The following MICALL1 variants were observed in gnomAD, a reference collection of about 807,000 sequenced individuals.
The protein encoded by MICALL1 is MICAL-like protein 1.
In MICALL1, 61 loss-of-function variants were observed where a neutral mutation model predicts 83.7. The observed-to-expected ratio is 0.73, with a 90% CI of 0.59 to 0.90. The LOEUF (loss-of-function observed/expected upper bound fraction) is 0.90. Ranked by LOEUF, MICALL1 falls within the 40% of genes least tolerant of loss-of-function variation. The pLI is 0.00. For missense variants in MICALL1, 1,066 were observed against 1,152.0 expected (o/e 0.93, Z 1.08); for synonymous variants, 481 against 473.6 (o/e 1.02, Z -0.20).
Position 37,906,652 on chromosome 22 carries a change from G to A in MICALL1, c.146+84G>A. 2.7e-6 allele frequency: 3 copies of A among 1,110,378 alleles called. No individual in the cohort carries two copies. The highest frequency in any genetic ancestry group is 3.3e-6 in the Non-Finnish European group (3 of 905,860). The allele number at this position is 1,110,378 out of a possible 1,614,324, so 68.8% of individuals were successfully genotyped here. On this transcript the variant is annotated intron_variant, in intron 1 of 15. Transcript: ENST00000215957. The surrounding 1 kb of genome is among the most constrained non-coding windows in gnomAD (Gnocchi z 4.4). ...GCCCCCCCTCAGTAACACGAAGCCCGGGCGGTGACAGGCGCCGCCCCCGGA... is the reference window on the plus strand; with the variant it reads ...GCCCCCCCTCAGTAACACGAAGCCCAGGCGGTGACAGGCGCCGCCCCCGGA...
rs1930409791 is a variant in MICALL1 at position 37,941,062 on chromosome 22, C to T, written c.*232C>T. On this transcript the variant is annotated 3_prime_UTR_variant, in exon 16 of 16. Coordinates refer to ENST00000215957, the MANE Select transcript of MICALL1 (RefSeq NM_033386.4). ...CAGCGGTGATTCAGCCCTGCCCAAC[C>T]TGATTCTGATGACTGCGGATGCTGT... 2.1e-6 allele frequency: 1 copy of T among 473,660 alleles called. No homozygotes were observed. The highest frequency in any genetic ancestry group is 3.8e-6 in the Non-Finnish European group (1 of 263,090). The allele number at this position is 473,660 out of a possible 1,614,324, so 29.3% of individuals were successfully genotyped here. A position where few individuals can be genotyped will look rare whatever the true frequency, so the allele number is the denominator to read the frequency against.
intron 5 of MICALL1, among the ~76,000 whole-genome samples, chr22:37,919,635 C>CA (rs34083064): frequency 0.37 from 21,956 of 59,150 alleles, 4,432 homozygotes; most frequent in Non-Finnish European, 0.43. Context: ...GACTCTGTCT[C>CA]AAAAAAAAAA....
At chr22:37,927,868 A>G in intron 9 of MICALL1, 42 bp downstream of exon 9, 2 of 1,550,762 alleles carry the variant, frequency 1.3e-6, no homozygotes, top group Non-Finnish European at 1.7e-6. Flanking sequence ...CATCCTCTCT[A>G]GTGGATGCGG....
chr22:37,919,998 C>A (rs887474705), intron 5 of MICALL1, among the ~76,000 whole-genome samples: 1 of 151,832 alleles, frequency 6.6e-6, no homozygotes, highest in African/African-American at 2.4e-5. Context: ...AAAAAAAAAT[C>A]TTTTTTTCTT....
In MICALL1 at chr22:37,932,893, G is replaced by GT. The variant is rs754420778; in HGVS notation, c.2234+6dup. 6.8e-6 allele frequency: 11 copies of GT among 1,613,968 alleles called. No homozygotes were observed. Among genetic ancestry groups the GT allele is most frequent in the Non-Finnish European group, 9.3e-6 (11 of 1,179,972 alleles). On this transcript the variant is annotated splice_donor_region_variant and intron_variant, in intron 12 of 15. Coordinates refer to ENST00000215957, the MANE Select transcript of MICALL1 (RefSeq NM_033386.4). The surrounding 1 kb of genome is among the most constrained non-coding windows in gnomAD (Gnocchi z 4.4). ...AGAGTCCGAGCTCATCTATGTGTGAGTCCCCCCGCCTGGGGCATCCCTCCC... is the reference window on the plus strand; with the variant it reads ...AGAGTCCGAGCTCATCTATGTGTGAGTTCCCCCCGCCTGGGGCATCCCTCCC...
chr22:37,932,596 A>G lies in MICALL1; in HGVS notation c.2060A>G (p.Glu687Gly). The change falls in exon 11 of 16, where the codon GAG becomes GGG. Residue 687 changes from glutamate to glycine, a missense_variant. Coordinates refer to ENST00000215957, the MANE Select transcript of MICALL1 (RefSeq NM_033386.4). This position sits in a 1 kb window ranked among gnomAD's most constrained non-coding sequence, Gnocchi z 4.4. ...ATCCCTGAGGAGGACATCCATGGAG[A>G]GATGGATACCATTGAGCGCCGGCTG... ...QYIPEEDIHG[E>G]MDTIERRLDA... 1 of 1,614,112 alleles carries G rather than the reference A, an allele frequency of 6.2e-7. No homozygotes were observed.
intron 3 of MICALL1, among the ~76,000 whole-genome samples, chr22:37,913,897 CAG>C (rs1015860799): frequency 7.5e-5 from 10 of 132,704 alleles, no homozygotes; most frequent in African/African-American, 2.7e-4. Context: ...TTTTTTGATA[CAG>C]AGTTTTGCTC....
rs138697070 is a variant in MICALL1, at chr22:37,940,710, G to A, written c.2472G>A (p.Glu824=). The part of the protein sequence containing the change: ...KMLEAMIKKK[E]FQREAEPEGK... ...AGTGCTCCCCTCTCTGTGCTGCAGAGTTCCAGAGGGAGGCTGAACCTGAGG... is the reference window on the plus strand; with the variant it reads ...AGTGCTCCCCTCTCTGTGCTGCAGAATTCCAGAGGGAGGCTGAACCTGAGG... Residue 824 remains glutamate (E), a splice_region_variant and synonymous_variant, in exon 16 of 16, where the codon GAG becomes GAA. Coordinates refer to ENST00000215957, the MANE Select transcript of MICALL1 (RefSeq NM_033386.4). The A allele has an allele frequency of 1.2e-6, 2 of 1,613,842 alleles. No individual in the cohort carries two copies. Among genetic ancestry groups the A allele is most frequent in the African/African-American group, 1.3e-5 (1 of 75,042 alleles).
At position 37,927,637 on chromosome 22, in the gene MICALL1, G is replaced by A; in HGVS notation, c.1692G>A (p.Gly564=). 1 of 1,614,156 alleles carries A rather than the reference G, an allele frequency of 6.2e-7. No homozygotes were observed. The highest frequency in any genetic ancestry group is 8.5e-7 in the Non-Finnish European group (1 of 1,179,998). ...CCAACTCCTCCCTGGCCTCCTCTGG[G>A]GAACTAGTGGAGCCTAGAGTGGAAC... ...LSTNSSLASS[G]ELVEPRVEQM... is the part of the protein sequence containing the mutation. Residue 564 remains glycine, a synonymous_variant, in exon 9 of 16, where the codon GGG becomes GGA. Transcript: ENST00000215957.
At chr22:37,917,645 G>A (rs564968922) in intron 3 of MICALL1, 62 bp from the exon 4 acceptor site, 168 of 1,494,734 alleles carry the variant, frequency 1.1e-4, no homozygotes, top group Non-Finnish European at 1.5e-4. Flanking sequence ...CAGCCAGGTT[G>A]GGACCTCCTG....
chr22:37,934,167 CGTGT>C (rs1283138008), intron 13 of MICALL1, among the ~76,000 whole-genome samples: 1 of 152,326 alleles, frequency 6.6e-6, no homozygotes, highest in East Asian at 1.9e-4. Flanking sequence ...TTCCAGCCCC[CGTGT>C]GGTGGCTGTG....
At chr22:37,935,753 A>G (rs1372589315) in intron 13 of MICALL1, among the ~76,000 whole-genome samples, 2 of 132,438 alleles carry the variant, frequency 1.5e-5, no homozygotes, top group Non-Finnish European at 3.2e-5. Flanking sequence ...TTTTTGAGAC[A>G]GAGTCTCACT....
rs565600018 is a variant in MICALL1 at position 37,925,780 on chromosome 22, A to G, written c.1202A>G (p.Gln401Arg). 1.1e-3 allele frequency: 1,739 copies of G among 1,613,458 alleles called. 28 individuals carry two copies. The South Asian group carries it at 0.017, about 16-fold the overall frequency. ...GGGCCACCAAGCCAGGACAGCAGGCAGGTGGAGAATGGAGGCACCGAGGAG... is the reference window on the plus strand; with the variant it reads ...GGGCCACCAAGCCAGGACAGCAGGCGGGTGGAGAATGGAGGCACCGAGGAG... The part of the protein sequence containing the change: ...SPGPPSQDSR[Q>R]VENGGTEEVA... The change falls in exon 8 of 16, where the codon CAG (glutamine) becomes CGG (arginine). Residue 401 changes from glutamine (Q) to arginine (R), a missense_variant. By Grantham distance (43) the Gln-to-Arg change is conservative. Coordinates refer to ENST00000215957, the MANE Select transcript of MICALL1 (RefSeq NM_033386.4).
Position 37,912,364 on chromosome 22 carries a change from C to T in MICALL1, c.209C>T (p.Ala70Val). ...TCACCACCCCAGGCCTTTGAAGTGG[C>T]TGAGAAGGAGCTGGGGATCCCCGCT... ...FENNRLAFEV[A>V]EKELGIPALL... The change falls in exon 3 of 16, where the codon GCT becomes GTT. Residue 70 changes from alanine to valine, a missense_variant. Coordinates refer to ENST00000215957, the MANE Select transcript of MICALL1 (RefSeq NM_033386.4). 1 of 1,612,188 alleles carries T rather than the reference C, an allele frequency of 6.2e-7. No homozygotes were observed. Among genetic ancestry groups the T allele is most frequent in the Non-Finnish European group, 8.5e-7 (1 of 1,178,702 alleles).
chr22:37,906,330 G>A lies in MICALL1; in HGVS notation c.-93G>A. ...GTCGGCGCCCGAGCTCGGAGCCGCA[G>A]CCGCAGCCGGAAACCGGGCCCGCGC... is the stretch of plus-strand genomic sequence containing the variant. On this transcript the variant is annotated 5_prime_UTR_variant, in exon 1 of 16. Transcript: ENST00000215957. The surrounding 1 kb of genome is among the most constrained non-coding windows in gnomAD (Gnocchi z 4.4). 3.2e-6 allele frequency: 3 copies of A among 930,230 alleles called. No homozygotes were observed. The highest frequency in any genetic ancestry group is 3.9e-6 in the Non-Finnish European group (3 of 778,432). The allele number at this position is 930,230 out of a possible 1,614,324, so 57.6% of individuals were successfully genotyped here. A position where few individuals can be genotyped will look rare whatever the true frequency, so the allele number is the denominator to read the frequency against.
chr22:37,929,711 C>G (rs1929685401), intron 9 of MICALL1, among the ~76,000 whole-genome samples: 1 of 152,212 alleles, frequency 6.6e-6, no homozygotes, highest in African/African-American at 2.4e-5. Flanking sequence ...TCAGTACTTT[C>G]CTCTGGGCAC....
intron 6 of MICALL1, among the ~76,000 whole-genome samples, 168 bp downstream of exon 6, chr22:37,922,594 TATATA>T (rs1172132584): frequency 2.3e-5 from 2 of 86,720 alleles, no homozygotes; most frequent in African/African-American, 5.0e-5. Flanking sequence ...TATATATATA[TATATA>T]TATTTTTTTT....
Position 37,942,398 on chromosome 22 carries a change from T to G in MICALL1, c.*1568T>G, listed in dbSNP as rs1930477252. On this transcript the variant is annotated 3_prime_UTR_variant, in exon 16 of 16. Coordinates refer to ENST00000215957, the MANE Select transcript of MICALL1 (RefSeq NM_033386.4). Reference sequence around the variant, plus strand: ...GGCAAGTCAAGTCACCTGTGGCCTGTGGGGCTGAATGTGGGCCCGGTGTTG... The same window carrying G: ...GGCAAGTCAAGTCACCTGTGGCCTGGGGGGCTGAATGTGGGCCCGGTGTTG... 1 of 152,088 alleles carries G rather than the reference T, an allele frequency of 6.6e-6. No individual in the cohort carries two copies. The allele number at this position is 152,088 out of a possible 1,614,324, so 9.4% of individuals were successfully genotyped here.
rs1033760212 is a variant in MICALL1, at chr22:37,924,252, G to A, written c.1025-408G>A. Among the ~76,000 whole-genome samples, 1 of 152,188 alleles carries A rather than the reference G, an allele frequency of 6.6e-6. No homozygotes were observed. The highest frequency in any genetic ancestry group is 2.1e-4 in the South Asian group (1 of 4,828). On this transcript the variant is annotated intron_variant, in intron 6 of 15. Coordinates refer to ENST00000215957, the MANE Select transcript of MICALL1 (RefSeq NM_033386.4). This position sits in a 1 kb window ranked among gnomAD's most constrained non-coding sequence, Gnocchi z 5.2. ...TGTTGAGGTGGAGACAGGCACAGAT[G>A]CAAGGGTTTCAGTGGATTGTGGAAG...
Sources: gnomAD v4.1 joint callset for allele counts (sites outside exome capture counted in the v4.1 genomes callset) on GRCh38, gnomAD v4.1.1 for gene constraint, Gnocchi (gnomAD v3.1) non-coding constraint, MANE v1.5 for transcripts, NCBI Gene and HGNC (gene_info 2026-07-23, HGNC 2026-07-21) for gene names.